SNX8: variants seen among roughly 807,000 people sequenced by gnomAD.
The protein encoded by SNX8 is sorting nexin-8.
SNX8 carries 25 observed loss-of-function variants against 51.6 expected under a neutral mutation model. The ratio of observed to expected loss-of-function variants is 0.48; its 90% CI spans 0.35 to 0.68. SNX8 has a LOEUF of 0.68. Ranked by LOEUF, SNX8 falls within the 30% of genes least tolerant of loss-of-function variation. SNX8 has a pLI of 0.00. For synonymous variants in SNX8, 324 were observed against 277.0 expected (o/e 1.17, Z -1.68); for missense variants, 695 against 624.0 (o/e 1.11, Z -1.21).
intron 1 of SNX8, 29 bp downstream of exon 1, chr7:2,314,299 G>T: frequency 8.2e-7 from 1 of 1,219,382 alleles, no homozygotes; most frequent in Non-Finnish European, 1.0e-6. Context: ...CCCTGGGCAG[G>T]TGGGGGCTAC....
At chr7:2,320,442 T>C (rs1031740630) in intron 1 of SNX8, among the ~76,000 whole-genome samples, 5 of 152,106 alleles carry the variant, frequency 3.3e-5, no homozygotes, top group African/African-American at 9.7e-5. Flanking sequence ...GGCTAGCAGC[T>C]GGGCACAGCA....
chr7:2,254,842 C>T lies in SNX8; in HGVS notation c.*214G>A. The T allele has an allele frequency of 1.7e-6, 1 of 594,824 alleles. No individual in the cohort carries two copies. Among genetic ancestry groups the T allele is most frequent in the Non-Finnish European group, 3.0e-6 (1 of 331,134 alleles). 36.8% of individuals were successfully genotyped at this position (594,824 alleles called of 1,614,324 possible). On this transcript the variant is annotated 3_prime_UTR_variant, in exon 11 of 11. Coordinates refer to ENST00000222990, the MANE Select transcript of SNX8 (RefSeq NM_013321.4). ...AACCCCACCACCTCTCTCGACCAGG[C>T]TAGCAGGCCACAGGGCGAAGGACAG...
chr7:2,348,455 C>T (rs542959938), intron 1 of SNX8, among the ~76,000 whole-genome samples: 29 of 151,288 alleles, frequency 1.9e-4, no homozygotes, highest in African/African-American at 7.0e-4. Flanking sequence ...ATTCTCCTGC[C>T]TCAGCCTCCC....
intron 1 of SNX8, among the ~76,000 whole-genome samples, chr7:2,292,410 ACTT>A (rs1313997080): frequency 1.3e-5 from 2 of 151,386 alleles, no homozygotes; most frequent in Admixed American, 6.6e-5. Context: ...ATAGGCAAAG[ACTT>A]CTTTTTTTTT....
chr7:2,317,326 C>G (rs1046295720), upstream of SNX8, among the ~76,000 whole-genome samples: 1 of 113,782 alleles, frequency 8.8e-6, no homozygotes, highest in Admixed American at 1.3e-4. Context: ...TTGCCTGGAG[C>G]GGAGGGCAGT....
intron 1 of SNX8, among the ~76,000 whole-genome samples, chr7:2,299,600 C>A (rs1013894328): frequency 2.0e-5 from 3 of 152,190 alleles, no homozygotes; most frequent in Admixed American, 2.0e-4. Flanking sequence ...GAATAACCTA[C>A]CAAGTAGGAG....
At chr7:2,283,046 G>A (rs1010444913) in intron 1 of SNX8, among the ~76,000 whole-genome samples, 20 of 152,042 alleles carry the variant, frequency 1.3e-4, no homozygotes, top group Middle Eastern at 3.4e-3. Flanking sequence ...GTGTGAACCC[G>A]GGAGGCGGAG....
chr7:2,255,087 G>C lies in SNX8; in HGVS notation c.1367C>G (p.Ser456Cys). The C allele has an allele frequency of 1.3e-6, 2 of 1,579,008 alleles. No homozygotes were observed. Among genetic ancestry groups the C allele is most frequent in the Non-Finnish European group, 1.7e-6 (2 of 1,163,028 alleles). The change falls in exon 11 of 11, where the codon TCC becomes TGC. Residue 456 changes from serine (S) to cysteine (C), a missense_variant. Transcript: ENST00000222990. ...GPHSTLTPPCSPPEDGLCPH is the reference protein window; with the variant it reads ...GPHSTLTPPCCPPEDGLCPH ...AGGACACAGGCCGTCCTCCGGCGGG[G>C]AGCACGGTGGGGTCAGGGTGCTGTG...
intron 5 of SNX8, among the ~76,000 whole-genome samples, chr7:2,268,419 G>A (rs1441865092): frequency 7.2e-6 from 1 of 138,756 alleles, no homozygotes; most frequent in Admixed American, 7.1e-5. Context: ...GAGCGTCTCC[G>A]CCCGGCAGCC....
intron 1 of SNX8, among the ~76,000 whole-genome samples, chr7:2,342,560 CAGG>C (rs1156994382): frequency 6.7e-6 from 1 of 150,264 alleles, no homozygotes; most frequent in Admixed American, 6.6e-5. Flanking sequence ...GAGCCTGAAG[CAGG>C]AGAATTGCTT....
chr7:2,295,077 T>G (rs1796240510), intron 1 of SNX8, among the ~76,000 whole-genome samples: 1 of 151,668 alleles, frequency 6.6e-6, no homozygotes, highest in South Asian at 2.1e-4. Flanking sequence ...GACAAGACCA[T>G]CCACCTCACT....
chr7:2,314,292 TG>T, intron 1 of SNX8, 35 bp downstream of exon 1: 1 of 1,217,824 alleles, frequency 8.2e-7, no homozygotes, highest in African/African-American at 1.6e-5. Context: ...CCGCGCGCCC[TG>T]GGCAGGTGGG....
At chr7:2,310,787 A>G (rs1286469150) in intron 1 of SNX8, among the ~76,000 whole-genome samples, 1 of 152,124 alleles carries the variant, frequency 6.6e-6, no homozygotes, top group Non-Finnish European at 1.5e-5. Flanking sequence ...ATAAATAAAT[A>G]AAAATAAAAG....
At chr7:2,255,266 GA>G in intron 10 of SNX8, 97 bp from the exon 11 acceptor site, 1 of 782,064 alleles carries the variant, frequency 1.3e-6, no homozygotes, top group Non-Finnish European at 2.0e-6. Flanking sequence ...GACAGGGAGG[GA>G]GGGGCCCTCA....
At chr7:2,259,772 T>C (rs975005026) in intron 7 of SNX8, among the ~76,000 whole-genome samples, 19 of 152,100 alleles carry the variant, frequency 1.2e-4, no homozygotes, top group African/African-American at 4.1e-4. Context: ...CAGGAGAATG[T>C]AGGCTTATTC....
At chr7:2,338,052 G>T (rs537233634) in intron 1 of SNX8, among the ~76,000 whole-genome samples, 2 of 152,236 alleles carry the variant, frequency 1.3e-5, no homozygotes, top group African/African-American at 4.8e-5. Context: ...AGGGCCAGGC[G>T]CAGTGGCTCA....
chr7:2,347,221 C>T (rs1021467184), intron 1 of SNX8, among the ~76,000 whole-genome samples: 1 of 152,078 alleles, frequency 6.6e-6, no homozygotes, highest in African/African-American at 2.4e-5. Flanking sequence ...GTGGCTCACG[C>T]CTGTAATCCC....
At chr7:2,343,210 C>T (rs911779989) in intron 1 of SNX8, among the ~76,000 whole-genome samples, 6 of 151,670 alleles carry the variant, frequency 4.0e-5, no homozygotes, top group African/African-American at 1.2e-4. Flanking sequence ...GGATTACAGG[C>T]ATGAGCCACC....
chr7:2,289,270 C>T (rs1307505844), intron 1 of SNX8, among the ~76,000 whole-genome samples: 1 of 152,130 alleles, frequency 6.6e-6, no homozygotes, highest in Admixed American at 6.6e-5. Context: ...ACGAACATTC[C>T]AGCACGTGGC....
Sources: allele counts gnomAD v4.1 joint callset (sites outside exome capture counted in the v4.1 genomes callset), GRCh38; gene constraint gnomAD v4.1.1; transcripts MANE v1.5; gene names NCBI Gene and HGNC (gene_info 2026-07-23, HGNC 2026-07-21).